The following LRBA variants were observed in gnomAD, a reference collection of about 807,000 sequenced individuals.
LRBA encodes LPS responsive beige-like anchor protein.
Under a neutral mutation model 330.0 loss-of-function variants are expected in LRBA, and 176 were observed. The ratio of observed to expected loss-of-function variants is 0.53; its 90% CI spans 0.47 to 0.60. The LOEUF (loss-of-function observed/expected upper bound fraction) is 0.60. Ranked by LOEUF, LRBA falls within the 20% of genes least tolerant of loss-of-function variation. LRBA has a pLI of 0.00. For synonymous variants in LRBA, 1,230 were observed against 1,193.0 expected, an observed-to-expected ratio of 1.03 and a Z score of -0.64; for missense variants, 3,259 against 3,444.8, an observed-to-expected ratio of 0.95 and a Z score of 1.35.
chr4:150,958,515 C>A (rs1737796571), intron 2 of LRBA, among the ~76,000 whole-genome samples: 2 of 149,234 alleles, frequency 1.3e-5, no homozygotes, highest in Admixed American at 6.6e-5. Context: ...GGAGACATTT[C>A]CCTATTGTCT....
At chr4:150,935,657 G>A (rs1354496242) in intron 2 of LRBA, among the ~76,000 whole-genome samples, 2 of 151,402 alleles carry the variant, frequency 1.3e-5, no homozygotes, top group South Asian at 2.1e-4. Context: ...AAAAGTGAAG[G>A]GAAATTCTAT....
chr4:150,677,164 C>G (rs922962578), intron 37 of LRBA, among the ~76,000 whole-genome samples: 6 of 152,022 alleles, frequency 3.9e-5, no homozygotes, highest in Non-Finnish European at 8.8e-5. Flanking sequence ...TTATGACATA[C>G]TGTAGGTTCA....
At chr4:150,711,885 T>G (rs1370371117) in intron 36 of LRBA, among the ~76,000 whole-genome samples, 2 of 152,196 alleles carry the variant, frequency 1.3e-5, no homozygotes. Flanking sequence ...CCTTTTAAAA[T>G]GCTCAGTATC....
chr4:150,780,114 G>A (rs1321381332), intron 34 of LRBA, among the ~76,000 whole-genome samples: 1 of 152,144 alleles, frequency 6.6e-6, no homozygotes, highest in Non-Finnish European at 1.5e-5. Flanking sequence ...CTTTCCTGCT[G>A]TTTAACCATT....
intron 37 of LRBA, among the ~76,000 whole-genome samples, chr4:150,618,848 GTATATATATA>G (rs34589903): frequency 3.4e-5 from 5 of 146,258 alleles, no homozygotes; most frequent in East Asian, 2.0e-4. Context: ...ATGTGTGTAT[GTATATATATA>G]TATATATATA....
At chr4:150,358,588 T>G (rs1014530002) in intron 47 of LRBA, among the ~76,000 whole-genome samples, 2 of 152,154 alleles carry the variant, frequency 1.3e-5, no homozygotes, top group Admixed American at 6.6e-5. Context: ...TTTATATTGC[T>G]GTTATATTTT....
rs1216990774 is a variant in LRBA, at chr4:151,008,969, C to CAAAAAAA, written c.216+5451_216+5457dup. On this transcript the variant is annotated intron_variant, in intron 2 of 56. Transcript: ENST00000651943. ...TGGGTGGCAGAGTGAGACTCCATCT[C>CAAAAAAA]AAAAAAAAAAAAAAAAAAAATATAT... 2.7e-3 allele frequency among the ~76,000 whole-genome samples: 5 copies of CAAAAAAA among 1,886 alleles called. 1 individual carries two copies. The highest frequency in any genetic ancestry group is 6.2e-3 in the Non-Finnish European group (2 of 324). The allele number at this position is 1,886 out of a possible 152,430, so 1.2% of individuals were successfully genotyped here. A position where few individuals can be genotyped will look rare whatever the true frequency, so the allele number is the denominator to read the frequency against.
Position 150,844,166 on chromosome 4 carries a change from T to A in LRBA, c.4503A>T (p.Arg1501Ser), listed in dbSNP as rs1749502912. 2.5e-6 allele frequency: 4 copies of A among 1,611,540 alleles called. No individual in the cohort carries two copies. Among genetic ancestry groups the A allele is most frequent in the Non-Finnish European group, 3.4e-6 (4 of 1,178,440 alleles). Residue 1501 changes from arginine to serine, a missense_variant, in exon 28 of 57, where the codon AGA (arginine) becomes AGT (serine). Coordinates refer to ENST00000651943, the MANE Select transcript of LRBA (RefSeq NM_001364905.1). ...TGTCCTGTAGAAGCCTGTCAAGATC[T>A]CTTACTGGAGATATACCGCCAGTCA... ...DIVTGGISPV[R>S]DLDRLLQDMD...
chr4:150,722,351 T>C (rs1214366755), intron 36 of LRBA, among the ~76,000 whole-genome samples: 1 of 151,988 alleles, frequency 6.6e-6, no homozygotes, highest in Non-Finnish European at 1.5e-5. Context: ...AATTAAGAAC[T>C]GAGTCAAAAG....
intron 36 of LRBA, among the ~76,000 whole-genome samples, chr4:150,717,537 GTA>G (rs1471094483): frequency 2.0e-5 from 3 of 151,766 alleles, no homozygotes; most frequent in Non-Finnish European, 4.4e-5. Context: ...GTGTGCACAT[GTA>G]GTGCCAGCTA....
intron 2 of LRBA, among the ~76,000 whole-genome samples, chr4:151,001,719 A>C (rs960399987): frequency 6.6e-6 from 1 of 152,090 alleles, no homozygotes; most frequent in Non-Finnish European, 1.5e-5. Flanking sequence ...GAAGACTGAG[A>C]GTGCACCCAC....
At chr4:150,533,493 A>G (rs934033464) in intron 40 of LRBA, among the ~76,000 whole-genome samples, 1 of 151,664 alleles carries the variant, frequency 6.6e-6, no homozygotes, top group Admixed American at 6.6e-5. Context: ...TTTTTTAATT[A>G]TTGGGAAAGA....
At chr4:150,973,280 G>A (rs1183503157) in intron 2 of LRBA, among the ~76,000 whole-genome samples, 5 of 152,082 alleles carry the variant, frequency 3.3e-5, no homozygotes, top group African/African-American at 1.2e-4. Flanking sequence ...CAATTCTCCT[G>A]CCTCCGCCTC....
intron 34 of LRBA, among the ~76,000 whole-genome samples, chr4:150,787,102 G>A (rs1158511795): frequency 6.6e-6 from 1 of 151,982 alleles, no homozygotes; most frequent in Non-Finnish European, 1.5e-5. Flanking sequence ...CATGATGGTG[G>A]GTGCCTGTAA....
At chr4:150,315,209 C>A (rs1731557439) in intron 51 of LRBA, 2 of 323,468 alleles carry the variant, frequency 6.2e-6, no homozygotes, top group Admixed American at 9.4e-5. Context: ...TACCGGTGCA[C>A]CAATTCATCA....
chr4:150,873,695 C>G (rs1753699152), intron 17 of LRBA, among the ~76,000 whole-genome samples: 2 of 152,040 alleles, frequency 1.3e-5, no homozygotes, highest in Non-Finnish European at 1.5e-5. Context: ...CATTCCCTTC[C>G]TCATAAACAT....
chr4:150,682,955 AT>A lies in LRBA; in HGVS notation c.5921+595del, dbSNP rs201819011. Among the ~76,000 whole-genome samples the A allele has an allele frequency of 1.2e-3, 185 of 152,262 alleles. 4 individuals are homozygous for A. The East Asian group carries it at 0.033, about 27-fold the overall frequency. ...CTTAAAGGCAATTTAATTAATTTCTATAAAGTAAAATCAACAACAGCATGTC... is the reference window on the plus strand; with the variant it reads ...CTTAAAGGCAATTTAATTAATTTCTAAAAGTAAAATCAACAACAGCATGTC... On this transcript the variant is annotated intron_variant, in intron 37 of 56. Transcript: ENST00000651943.
At chr4:150,663,488 A>T (rs1422894302) in intron 37 of LRBA, among the ~76,000 whole-genome samples, 1 of 152,046 alleles carries the variant, frequency 6.6e-6, no homozygotes, top group Non-Finnish European at 1.5e-5. Context: ...AAATTTCATA[A>T]ACTCAGTTTA....
intron 4 of LRBA, among the ~76,000 whole-genome samples, chr4:150,925,700 G>A (rs1002524334): frequency 2.0e-5 from 3 of 151,980 alleles, no homozygotes; most frequent in African/African-American, 7.3e-5. Context: ...TTCTACCTCT[G>A]TAAATAAATA....
Sources: gnomAD v4.1 joint callset for allele counts (sites outside exome capture counted in the v4.1 genomes callset) on GRCh38, gnomAD v4.1.1 for gene constraint, MANE v1.5 for transcripts, NCBI Gene and HGNC (gene_info 2026-07-23, HGNC 2026-07-21) for gene names.